Variants in CAST observed in about 807,000 individuals in gnomAD.
CAST encodes the protein calpastatin.
Under a neutral mutation model 119.6 loss-of-function variants are expected in CAST, and 76 were observed. That is an observed-to-expected ratio of 0.64 (90% CI 0.53 to 0.77). The LOEUF is 0.77. Ranked by LOEUF, CAST falls within the 30% of genes least tolerant of loss-of-function variation. CAST has a pLI of 0.00. For missense variants in CAST, 953 were observed against 946.5 expected (o/e 1.01, Z -0.09); for synonymous variants, 319 against 331.6 (o/e 0.96, Z 0.41).
the CAST span, among the ~76,000 whole-genome samples, chr5:96,312,642 A>C: frequency 6.6e-6 from 1 of 151,564 alleles, no homozygotes. Flanking sequence ...AGTGTTCTAA[A>C]TAAGAAAGCA....
the CAST span, among the ~76,000 whole-genome samples, chr5:96,296,022 A>G: frequency 0.025 from 3,756 of 152,302 alleles, 169 homozygotes; most frequent in African/African-American, 0.085. Flanking sequence ...TCTACCATGA[A>G]CAGTTGTTAC....
chr5:96,600,186 C>A (rs1183236523), intron 1 of CAST, among the ~76,000 whole-genome samples: 4 of 152,190 alleles, frequency 2.6e-5, no homozygotes, highest in African/African-American at 9.7e-5. Context: ...TCGTTCTTGC[C>A]AATCAAGACC....
At chr5:96,611,261 C>CA (rs1747355939) in intron 1 of CAST, among the ~76,000 whole-genome samples, 1 of 152,074 alleles carries the variant, frequency 6.6e-6, no homozygotes, top group East Asian at 1.9e-4. Flanking sequence ...AAAATAGACA[C>CA]ATAGACCCAT....
intron 1 of CAST, among the ~76,000 whole-genome samples, chr5:96,574,883 T>C (rs1356450919): frequency 6.6e-6 from 1 of 152,182 alleles, no homozygotes; most frequent in Non-Finnish European, 1.5e-5. Flanking sequence ...TTATGCTTCA[T>C]TGTTACATGT....
chr5:96,393,243 C>G, the CAST span: 1 of 1,613,992 alleles, frequency 6.2e-7, no homozygotes, highest in Non-Finnish European at 8.5e-7. Flanking sequence ...TTACTGAAAG[C>G]ACTTTGCAGG....
At chr5:96,052,137 TTAAA>T in the CAST span, among the ~76,000 whole-genome samples, 1 of 152,154 alleles carries the variant, frequency 6.6e-6, no homozygotes, top group Non-Finnish European at 1.5e-5. Context: ...AAATAAAATA[TTAAA>T]TAAAGAGGGT....
the CAST span, among the ~76,000 whole-genome samples, chr5:96,209,909 A>G: frequency 6.6e-6 from 1 of 151,836 alleles, no homozygotes; most frequent in African/African-American, 2.4e-5. Context: ...CATGGATGAT[A>G]TACTCAAATA....
the CAST span, among the ~76,000 whole-genome samples, chr5:96,193,240 G>GA: frequency 7.3e-5 from 11 of 151,696 alleles, no homozygotes; most frequent in African/African-American, 1.5e-4. Context: ...TGATGTATTT[G>GA]AAAAAAATGC....
At chr5:96,159,469 C>T in the CAST span, among the ~76,000 whole-genome samples, 15 of 151,936 alleles carry the variant, frequency 9.9e-5, no homozygotes, top group Non-Finnish European at 1.9e-4. Context: ...AATGATGAAA[C>T]GATGTACAAA....
the CAST span, among the ~76,000 whole-genome samples, chr5:96,157,255 A>G: frequency 1.3e-5 from 2 of 152,214 alleles, no homozygotes; most frequent in African/African-American, 4.8e-5. Context: ...CTAGCAAGCC[A>G]GTCAACATCC....
intron 1 of CAST, among the ~76,000 whole-genome samples, chr5:96,610,152 C>T (rs906879836): frequency 2.4e-4 from 37 of 152,290 alleles, no homozygotes; most frequent in African/African-American, 8.2e-4. Flanking sequence ...GGGCCATTCC[C>T]GTGCACATGC....
In CAST at chr5:96,632,325, C is replaced by A. The variant is rs368516904; in HGVS notation, c.61-43214C>A. On this transcript the variant is annotated intron_variant, in intron 1 of 11. Transcript: ENST00000505143. ...TGTCTTCTCACTTTCTTGACAGTGT[C>A]CTTTGACACACAAAATTTTTTAATT... 1.2e-3 allele frequency among the ~76,000 whole-genome samples: 178 copies of A among 150,852 alleles called. 1 individual carries two copies. The South Asian group carries it at 0.022, about 18-fold the overall frequency.
At chr5:96,416,001 T>C in the CAST span, 176 of 1,369,060 alleles carry the variant, frequency 1.3e-4, no homozygotes, top group Non-Finnish European at 1.4e-5. Flanking sequence ...CACATTAAAA[T>C]GCCAAGCTAT....
At chr5:96,761,837 A>G (rs1768064143) in intron 24 of CAST, 1 of 154,646 alleles carries the variant, frequency 6.5e-6, no homozygotes, top group African/African-American at 2.4e-5. Flanking sequence ...CCATGGGAAA[A>G]CAGGCATGCT....
the CAST span, among the ~76,000 whole-genome samples, chr5:96,077,704 T>C: frequency 6.6e-6 from 1 of 152,176 alleles, no homozygotes; most frequent in Non-Finnish European, 1.5e-5. Context: ...TCTTGCCATG[T>C]GATACTGCAC....
intron 16 of CAST, among the ~76,000 whole-genome samples, chr5:96,745,171 A>G (rs1377938848): frequency 1.3e-5 from 2 of 152,188 alleles, no homozygotes; most frequent in African/African-American, 4.8e-5. Context: ...GTGCTGCTCC[A>G]TGACAGGATT....
chr5:96,558,268 T>C (rs970090436), intron 1 of CAST, among the ~76,000 whole-genome samples: 1 of 151,812 alleles, frequency 6.6e-6, no homozygotes, highest in African/African-American at 2.4e-5. Flanking sequence ...GATCTAAAAT[T>C]GACACCCTAA....
chr5:96,332,590 G>C, the CAST span, among the ~76,000 whole-genome samples: 1 of 152,146 alleles, frequency 6.6e-6, no homozygotes, highest in East Asian at 1.9e-4. Flanking sequence ...ACAAGTCCCA[G>C]AAACTGAGAT....
chr5:96,297,847 C>G, the CAST span, among the ~76,000 whole-genome samples: 4 of 151,894 alleles, frequency 2.6e-5, no homozygotes, highest in Admixed American at 2.0e-4. Context: ...CTATAAGACC[C>G]GGGAGCACTA....
Sources: gnomAD v4.1 joint callset for allele counts (sites outside exome capture counted in the v4.1 genomes callset) on GRCh38, gnomAD v4.1.1 for gene constraint, MANE v1.5 for transcripts, NCBI Gene and HGNC (gene_info 2026-07-23, HGNC 2026-07-21) for gene names.